SERINC5: variants seen among roughly 807,000 people sequenced by gnomAD.
The protein encoded by SERINC5 is serine incorporator 5.
Under a neutral mutation model 63.1 loss-of-function variants are expected in SERINC5, and 41 were observed. The observed-to-expected ratio is 0.65, with a 90% CI of 0.51 to 0.84. The LOEUF (loss-of-function observed/expected upper bound fraction) is 0.84, where lower values mean the gene tolerates loss of function less well. SERINC5 is among the 40% of genes least tolerant of loss of function. The pLI is 0.00. For missense variants in SERINC5, 523 were observed against 573.0 expected (o/e 0.91, Z 0.89); for synonymous variants, 222 against 215.2 (o/e 1.03, Z -0.28).
chr5:80,241,809 T>C (rs554302565), intron 1 of SERINC5, among the ~76,000 whole-genome samples: 36 of 152,226 alleles, frequency 2.4e-4, no homozygotes, highest in Admixed American at 2.4e-3. Flanking sequence ...TAAATGTAAA[T>C]GATCCAAGCA....
At chr5:80,230,245 C>A (rs1751375988) in intron 1 of SERINC5, among the ~76,000 whole-genome samples, 1 of 151,972 alleles carries the variant, frequency 6.6e-6, no homozygotes, top group African/African-American at 2.4e-5. Flanking sequence ...CTGAGGCAGG[C>A]AGATCACTTG....
intron 1 of SERINC5, among the ~76,000 whole-genome samples, chr5:80,234,052 C>T (rs985242543): frequency 1.3e-5 from 2 of 151,984 alleles, no homozygotes; most frequent in Non-Finnish European, 2.9e-5. Context: ...ACTCGTGATC[C>T]GTCCGTCTCA....
At chr5:80,187,039 G>A (rs1209460736) in intron 2 of SERINC5, among the ~76,000 whole-genome samples, 11 of 151,962 alleles carry the variant, frequency 7.2e-5, no homozygotes, top group African/African-American at 2.4e-4. Context: ...GGTGGCACAC[G>A]TCTGTAGTCC....
chr5:80,255,438 G>C (rs1752614091), intron 1 of SERINC5, among the ~76,000 whole-genome samples: 1 of 152,136 alleles, frequency 6.6e-6, no homozygotes, highest in African/African-American at 2.4e-5. Flanking sequence ...GATGCCAAGC[G>C]CAACCTGCCT....
chr5:80,133,757 C>G (rs928073706), downstream of SERINC5, among the ~76,000 whole-genome samples: 3 of 152,192 alleles, frequency 2.0e-5, no homozygotes, highest in Non-Finnish European at 2.9e-5. Flanking sequence ...GTCATCTGTA[C>G]GGGAGACTGG....
chr5:80,235,958 T>C (rs1193093453), intron 1 of SERINC5, among the ~76,000 whole-genome samples: 2 of 152,170 alleles, frequency 1.3e-5, no homozygotes, highest in East Asian at 1.9e-4. Context: ...CTTAGAAAAA[T>C]CTTGGCCATT....
chr5:80,178,135 C>T, intron 2 of SERINC5, 71 bp from the exon 3 acceptor site: 1 of 916,132 alleles, frequency 1.1e-6, no homozygotes, highest in Non-Finnish European at 1.6e-6. Flanking sequence ...AGTGTTCATG[C>T]AGCCAACCAC....
chr5:80,223,351 T>A lies in SERINC5; in HGVS notation c.28-20298A>T, dbSNP rs183999350. On this transcript the variant is annotated intron_variant, in intron 1 of 11. Coordinates refer to ENST00000507668, the MANE Select transcript of SERINC5 (RefSeq NM_001174072.3). ...CTATATACTTTAAATTATCTCTAGA[T>A]TACTCATAATACCTGATACAATGTA... 2.0e-5 allele frequency among the ~76,000 whole-genome samples: 3 copies of A among 152,314 alleles called. No individual in the cohort carries two copies. In the East Asian group the frequency reaches 5.8e-4, roughly 29 times the overall value.
At chr5:80,146,259 G>A (rs371737769) in intron 10 of SERINC5, 25 bp from the exon 11 acceptor site, 1 of 1,613,226 alleles carries the variant, frequency 6.2e-7, no homozygotes. Flanking sequence ...GGGAGCCCAG[G>A]CTCAATGAGT....
intron 1 of SERINC5, among the ~76,000 whole-genome samples, chr5:80,248,657 T>C (rs1000084572): frequency 2.6e-5 from 4 of 152,160 alleles, no homozygotes; most frequent in Non-Finnish European, 5.9e-5. Flanking sequence ...CTTTACTGCA[T>C]TGTGCCCACA....
chr5:80,223,133 A>C (rs547650979), intron 1 of SERINC5, among the ~76,000 whole-genome samples: 1 of 152,364 alleles, frequency 6.6e-6, no homozygotes, highest in African/African-American at 2.4e-5. Flanking sequence ...CTGGGATTAC[A>C]GGCATGAGCC....
chr5:80,219,013 C>T (rs1385035507), intron 1 of SERINC5, among the ~76,000 whole-genome samples: 1 of 152,156 alleles, frequency 6.6e-6, no homozygotes, highest in Non-Finnish European at 1.5e-5. Flanking sequence ...ATTCAGTGTC[C>T]AATAAAAGAT....
At chr5:80,245,965 TAAAAA>T (rs57108110) in intron 1 of SERINC5, among the ~76,000 whole-genome samples, 16 of 115,954 alleles carry the variant, frequency 1.4e-4, no homozygotes, top group Non-Finnish European at 1.9e-4. Context: ...GTCAGCTCTT[TAAAAA>T]AAAAAAAAAA....
Position 80,190,199 on chromosome 5 carries a change from C to T in SERINC5, c.196-12135G>A, listed in dbSNP as rs560408952. 6.7e-5 allele frequency among the ~76,000 whole-genome samples: 10 copies of T among 150,326 alleles called. 1 individual carries two copies. The South Asian group carries it at 2.1e-3, about 32-fold the overall frequency. ...CAATCTCGGCTCACTGCAACCTCCA[C>T]CTCCCTGGCTCAAGCAATCCTCCCA... On this transcript the variant is annotated intron_variant, in intron 2 of 11. Coordinates refer to ENST00000507668, the MANE Select transcript of SERINC5 (RefSeq NM_001174072.3).
chr5:80,112,039 C>T (rs1191653814), intron 12 of SERINC5, among the ~76,000 whole-genome samples: 2 of 152,236 alleles, frequency 1.3e-5, no homozygotes, highest in Admixed American at 6.5e-5. Context: ...CCCAGGAAAA[C>T]CGGGTATTGT....
chr5:80,137,609 C>T (rs188790376), downstream of SERINC5, among the ~76,000 whole-genome samples: 11 of 139,834 alleles, frequency 7.9e-5, no homozygotes, highest in Admixed American at 8.7e-4. Context: ...TGCCACTGCA[C>T]TCCAGCTTGG....
At chr5:80,244,999 T>C (rs1752109082) in intron 1 of SERINC5, among the ~76,000 whole-genome samples, 1 of 152,150 alleles carries the variant, frequency 6.6e-6, no homozygotes, top group Admixed American at 6.5e-5. Flanking sequence ...TCGATCTTCC[T>C]CTCTCACTTG....
rs191941013 is a variant in SERINC5, at chr5:80,139,757, G to A, written c.*3906C>T. 4.2e-5 allele frequency: 41 copies of A among 985,404 alleles called. No homozygotes were observed. The African/African-American group carries it at 6.3e-4, about 15-fold the overall frequency. 61.0% of individuals were successfully genotyped at this position (985,404 alleles called of 1,614,324 possible). ...CTTCAGTAAATTCCACAAGCCAAGT[G>A]GCTACTGCATTGTCCCTGAAGAAGG... On this transcript the variant is annotated 3_prime_UTR_variant, in exon 12 of 12. Coordinates refer to ENST00000507668, the MANE Select transcript of SERINC5 (RefSeq NM_001174072.3).
chr5:80,195,148 T>C (rs1749419868), intron 2 of SERINC5, among the ~76,000 whole-genome samples: 1 of 151,918 alleles, frequency 6.6e-6, no homozygotes, highest in African/African-American at 2.4e-5. Flanking sequence ...TAGCCGAGTG[T>C]GATGGTGCAT....
Sources: gnomAD v4.1 joint callset for allele counts (sites outside exome capture counted in the v4.1 genomes callset) on GRCh38, gnomAD v4.1.1 for gene constraint, MANE v1.5 for transcripts, NCBI Gene and HGNC (gene_info 2026-07-23, HGNC 2026-07-21) for gene names.